Variants in AFF2 observed in about 807,000 individuals in gnomAD.
The protein encoded by AFF2 is ALF transcription elongation factor 2.
Under a neutral mutation model 76.9 loss-of-function variants are expected in AFF2, and 14 were observed. The ratio of observed to expected loss-of-function variants is 0.18; its 90% CI spans 0.12 to 0.28. The LOEUF (loss-of-function observed/expected upper bound fraction) is 0.28. Among genes scored for constraint, AFF2 ranks in the 10% least tolerant of loss-of-function variants. AFF2 has a pLI of 1.00. For missense variants in AFF2, 868 were observed against 1,001.1 expected (o/e 0.87, Z 1.79); for synonymous variants, 398 against 366.7 (o/e 1.09, Z -0.98).
intron 7 of AFF2, among the ~76,000 whole-genome samples, chrX:148,861,102 G>C (rs1481333141): frequency 8.9e-6 from 1 of 111,858 alleles, no homozygotes; most frequent in African/African-American, 3.2e-5. Context: ...GGAGAATCAT[G>C]TATGTGTCAC....
chrX:148,964,730 A>G (rs2072151593), intron 13 of AFF2, among the ~76,000 whole-genome samples: 1 of 112,254 alleles, frequency 8.9e-6, no homozygotes, highest in South Asian at 3.7e-4. Flanking sequence ...ATGTGAATGT[A>G]CTTAACATGA....
intron 3 of AFF2, among the ~76,000 whole-genome samples, chrX:148,771,453 C>G (rs1265606836): frequency 8.9e-6 from 1 of 112,268 alleles, no homozygotes; most frequent in Non-Finnish European, 1.9e-5. Flanking sequence ...CATTCATTTT[C>G]TCCTTCTCTT....
intron 3 of AFF2, among the ~76,000 whole-genome samples, chrX:148,777,484 A>G (rs781935056): frequency 2.6e-4 from 29 of 112,231 alleles, no homozygotes; most frequent in African/African-American, 8.4e-4. Context: ...CTTCCTATCC[A>G]TGAGCATGGA....
At chrX:148,563,377 A>C (rs1260006295) in intron 1 of AFF2, among the ~76,000 whole-genome samples, 1 of 111,857 alleles carries the variant, frequency 8.9e-6, no homozygotes, top group Non-Finnish European at 1.9e-5. Flanking sequence ...AGGAAGGCAA[A>C]GAAGGCAGTG....
chrX:148,627,445 G>A (rs1465697246), intron 1 of AFF2, among the ~76,000 whole-genome samples: 1 of 112,164 alleles, frequency 8.9e-6, no homozygotes, highest in Non-Finnish European at 1.9e-5. Flanking sequence ...ACAGAATGTA[G>A]AGGACAGAGG....
chrX:148,510,248 C>T (rs1428918703), intron 1 of AFF2, among the ~76,000 whole-genome samples: 6 of 111,810 alleles, frequency 5.4e-5, no homozygotes, highest in Admixed American at 9.5e-5. Flanking sequence ...GACCTAAAAA[C>T]GGTATTAATA....
intron 1 of AFF2, among the ~76,000 whole-genome samples, chrX:148,555,257 C>T (rs1245426818): frequency 1.8e-5 from 2 of 112,003 alleles, no homozygotes; most frequent in South Asian, 3.7e-4. Context: ...AGTACATTAA[C>T]AAGAGTTTCA....
At position 148,704,336 on chromosome X, in the gene AFF2, G is replaced by A. The variant is rs781958549; in HGVS notation, c.1041+41568G>A. Among the ~76,000 whole-genome samples the A allele has an allele frequency of 6.0e-3, 154 of 25,743 alleles. 2 individuals carry two copies. The highest frequency in any genetic ancestry group is 0.011 in the Admixed American group (18 of 1,674). The allele number at this position is 25,743 out of a possible 115,157, so 22.4% of individuals were successfully genotyped here. ...TGTGTATATATATATTTATATATATGTGTGTATATATATATTTATATATAT... is the reference window on the plus strand; with the variant it reads ...TGTGTATATATATATTTATATATATATGTGTATATATATATTTATATATAT... On this transcript the variant is annotated intron_variant, in intron 3 of 20. Coordinates refer to ENST00000370460, the MANE Select transcript of AFF2 (RefSeq NM_002025.4).
intron 3 of AFF2, among the ~76,000 whole-genome samples, chrX:148,785,123 G>C (rs909808354): frequency 8.9e-6 from 1 of 112,210 alleles, no homozygotes; most frequent in East Asian, 2.8e-4. Context: ...ATGTGTGTAC[G>C]CATGCGCATG....
chrX:148,882,816 T>G (rs782278342), intron 7 of AFF2, among the ~76,000 whole-genome samples: 1 of 111,906 alleles, frequency 8.9e-6, no homozygotes, highest in Non-Finnish European at 1.9e-5. Context: ...TAATAAAGCT[T>G]AATAGGTCAG....
intron 3 of AFF2, among the ~76,000 whole-genome samples, chrX:148,726,554 A>G (rs2055157777): frequency 8.9e-6 from 1 of 111,959 alleles, no homozygotes; most frequent in South Asian, 3.7e-4. Context: ...TCCCTTGGCC[A>G]AGGTATCTTT....
chrX:148,580,570 T>G (rs782807453), intron 1 of AFF2, among the ~76,000 whole-genome samples: 1 of 110,969 alleles, frequency 9.0e-6, no homozygotes, highest in South Asian at 3.8e-4. Context: ...CATAATCAAA[T>G]AGTAATTTGA....
intron 1 of AFF2, among the ~76,000 whole-genome samples, chrX:148,556,677 G>A (rs1228066641): frequency 8.9e-6 from 1 of 112,319 alleles, no homozygotes; most frequent in African/African-American, 3.2e-5. Flanking sequence ...TAAATGGCTT[G>A]TGTTTCCCTT....
intron 3 of AFF2, among the ~76,000 whole-genome samples, chrX:148,772,544 T>C (rs1297318584): frequency 2.2e-4 from 1 of 4,471 alleles, no homozygotes; most frequent in Non-Finnish European, 4.1e-4. Flanking sequence ...CTTTCTTTCT[T>C]TTTTTTTTTT....
chrX:148,720,643 G>T (rs1443305121), intron 3 of AFF2, among the ~76,000 whole-genome samples: 4 of 108,998 alleles, frequency 3.7e-5, no homozygotes, highest in Non-Finnish European at 7.7e-5. Context: ...CAAAAAGATG[G>T]TGGAAGCATA....
chrX:148,709,623 C>T (rs2054936373), intron 3 of AFF2, among the ~76,000 whole-genome samples: 1 of 111,913 alleles, frequency 8.9e-6, no homozygotes, highest in Non-Finnish European at 1.9e-5. Flanking sequence ...AGAGGATTTG[C>T]TTTTTACAAT....
intron 1 of AFF2, among the ~76,000 whole-genome samples, chrX:148,525,797 C>T (rs1428042313): frequency 8.9e-6 from 1 of 111,881 alleles, no homozygotes; most frequent in Non-Finnish European, 1.9e-5. Context: ...AGATGGAAAA[C>T]AACATTTGAT....
At chrX:148,681,346 T>C (rs2054544186) in intron 3 of AFF2, among the ~76,000 whole-genome samples, 4 of 111,681 alleles carry the variant, frequency 3.6e-5, no homozygotes, top group African/African-American at 1.3e-4. Flanking sequence ...AAGTGCTGTC[T>C]TTTTTCTATC....
chrX:148,843,382 A>G lies in AFF2; in HGVS notation c.1211A>G (p.Lys404Arg). ...QHLTPGFTLQKWNDPTTRAST... is the reference protein window; with the variant it reads ...QHLTPGFTLQRWNDPTTRAST... ...AATTGTTTATATCTTTTCTTTTCAG[A>G]GTGGAATGACCCAACCACCAGAGCT... Residue 404 changes from lysine to arginine, a missense_variant and splice_region_variant, in exon 7 of 21, where the codon AAG becomes AGG. Physicochemically the swap from Lys to Arg is conservative, Grantham distance 26. This residue lies in a region of AFF2 where 532 missense variants were observed against 564.2 expected (regional missense o/e 0.94). Coordinates refer to ENST00000370460, the MANE Select transcript of AFF2 (RefSeq NM_002025.4). The G allele has an allele frequency of 1.7e-6, 2 of 1,204,430 alleles. No homozygotes were observed. Among genetic ancestry groups the G allele is most frequent in the Non-Finnish European group, 2.2e-6 (2 of 890,113 alleles).
Sources: allele counts gnomAD v4.1 joint callset (sites outside exome capture counted in the v4.1 genomes callset), GRCh38; gene constraint gnomAD v4.1.1; regional missense constraint gnomAD v4.1.1; transcripts MANE v1.5; gene names NCBI Gene and HGNC (gene_info 2026-07-23, HGNC 2026-07-21).